The following NOP53 variants were observed in gnomAD, a reference collection of about 807,000 sequenced individuals.
NOP53 encodes the protein ribosome biogenesis protein NOP53.
A neutral mutation model predicts 61.0 loss-of-function variants in NOP53; 40 were observed. The observed-to-expected ratio is 0.66, with a 90% CI of 0.51 to 0.85. The LOEUF (loss-of-function observed/expected upper bound fraction) is 0.85, where lower values mean the gene tolerates loss of function less well. Ranked by LOEUF, NOP53 falls within the 40% of genes least tolerant of loss-of-function variation. The probability of loss-of-function intolerance (pLI) is 0.00; values close to 1 mark genes in which losing one functional copy is unlikely to be tolerated. For synonymous variants in NOP53, 308 were observed against 289.5 expected (o/e 1.06, Z -0.65); for missense variants, 689 against 652.9 (o/e 1.06, Z -0.60).
chr19:47,747,502 TGTG>T (rs1967078780), intron 2 of NOP53, among the ~76,000 whole-genome samples: 1 of 151,936 alleles, frequency 6.6e-6, no homozygotes, highest in Non-Finnish European at 1.5e-5. Context: ...ATTAGCCAGT[TGTG>T]GTGGCGGGCA....
At chr19:47,755,061 C>T (rs988509201) in intron 8 of NOP53, among the ~76,000 whole-genome samples, 170 bp downstream of exon 8, 4 of 152,124 alleles carry the variant, frequency 2.6e-5, no homozygotes, top group East Asian at 1.9e-4. Flanking sequence ...ATTTCCCAGC[C>T]TCTTCCAGGC....
rs115574335 is a variant in NOP53, at chr19:47,756,249, C to T, written c.1297-279C>T. On this transcript the variant is annotated intron_variant, in intron 10 of 12. Transcript: ENST00000246802. Reference sequence around the variant, plus strand: ...TGCTCATGAGCGGACTGTGCCTTCTCCCTCTGATCCAGCCTTTGCCCTCGC... The same window carrying T: ...TGCTCATGAGCGGACTGTGCCTTCTTCCTCTGATCCAGCCTTTGCCCTCGC... 4,049 of 556,788 alleles carry T rather than the reference C, an allele frequency of 7.3e-3. 125 individuals carry two copies. Among genetic ancestry groups the T allele is most frequent in the African/African-American group, 0.067 (3,583 of 53,328 alleles). 34.5% of individuals were successfully genotyped at this position (556,788 alleles called of 1,614,324 possible). A position where few individuals can be genotyped will look rare whatever the true frequency, so the allele number is the denominator to read the frequency against.
At chr19:47,750,085 A>G in intron 2 of NOP53, 93 bp from the exon 3 acceptor site, 1 of 749,582 alleles carries the variant, frequency 1.3e-6, no homozygotes, top group Non-Finnish European at 2.3e-6. Flanking sequence ...CTTGGGATTC[A>G]GGTCTGATGG....
At position 47,754,792 on chromosome 19, in the gene NOP53, G is replaced by A. The variant is rs1169783070; in HGVS notation, c.954G>A (p.Glu318=). 11 of 1,531,390 alleles carry A rather than the reference G, an allele frequency of 7.2e-6. No homozygotes were observed. The highest frequency in any genetic ancestry group is 9.6e-6 in the Non-Finnish European group (11 of 1,140,546). The allele number at this position is 1,531,390 out of a possible 1,614,324, so 94.9% of individuals were successfully genotyped here. A position where few individuals can be genotyped will look rare whatever the true frequency, so the allele number is the denominator to read the frequency against. ...EGEPGQGEGP[E]AGDAEVCPTP... is the part of the protein sequence containing the mutation. Reference sequence around the variant, plus strand: ...AGCCAGGCCAGGGCGAGGGGCCGGAGGCTGGGGATGCCGAGGTCTGTCCCA... The same window carrying A: ...AGCCAGGCCAGGGCGAGGGGCCGGAAGCTGGGGATGCCGAGGTCTGTCCCA... Residue 318 remains glutamate (E), a synonymous_variant, in exon 8 of 13, where the codon GAG becomes GAA. Transcript: ENST00000246802. The surrounding 1 kb of genome is among the most constrained non-coding windows in gnomAD (Gnocchi z 4.2).
chr19:47,747,777 CTCTTT>C (rs1476391010), intron 2 of NOP53, among the ~76,000 whole-genome samples: 2 of 120,518 alleles, frequency 1.7e-5, no homozygotes, highest in Non-Finnish European at 3.3e-5. Context: ...TTTTCTCTCT[CTCTTT>C]TTTTTTTTTT....
At chr19:47,749,768 A>T (rs1042604871) in intron 2 of NOP53, among the ~76,000 whole-genome samples, 1 of 151,018 alleles carries the variant, frequency 6.6e-6, no homozygotes, top group African/African-American at 2.4e-5. Flanking sequence ...TCCCCCTGAG[A>T]TGAGATCTCA....
intron 4 of NOP53, 65 bp from the exon 5 acceptor site, chr19:47,751,455 G>A (rs1454492217): frequency 8.0e-7 from 1 of 1,250,522 alleles, no homozygotes; most frequent in African/African-American, 1.5e-5. Flanking sequence ...AGGGATTGGG[G>A]GGGAGCCTTT....
intron 2 of NOP53, 33 bp downstream of exon 2, chr19:47,747,064 G>A (rs770327541): frequency 3.4e-5 from 51 of 1,497,314 alleles, no homozygotes; most frequent in South Asian, 1.2e-4. Context: ...TGGAATGGCG[G>A]TTATTCATTG....
At position 47,754,413 on chromosome 19, in the gene NOP53, C is replaced by G; in HGVS notation, c.766-114C>G. On this transcript the variant is annotated intron_variant, in intron 6 of 12. Coordinates refer to ENST00000246802, the MANE Select transcript of NOP53 (RefSeq NM_015710.5). The surrounding 1 kb of genome is among the most constrained non-coding windows in gnomAD (Gnocchi z 4.2). Reference sequence around the variant, plus strand: ...GTAGACGGGGTGTGGGGAGGAAAGCCTGGGCCGGGGCGGGATCCACGGGCA... The same window carrying G: ...GTAGACGGGGTGTGGGGAGGAAAGCGTGGGCCGGGGCGGGATCCACGGGCA... The G allele has an allele frequency of 1.2e-6, 1 of 822,776 alleles. No individual in the cohort carries two copies. The highest frequency in any genetic ancestry group is 2.0e-6 in the Non-Finnish European group (1 of 502,974). The allele number at this position is 822,776 out of a possible 1,614,324, so 51.0% of individuals were successfully genotyped here. A position where few individuals can be genotyped will look rare whatever the true frequency, so the allele number is the denominator to read the frequency against.
chr19:47,745,931 C>T (rs935525798), intron 1 of NOP53, 148 bp downstream of exon 1: 2 of 606,252 alleles, frequency 3.3e-6, no homozygotes, highest in Non-Finnish European at 2.8e-6. Context: ...AAATGGAGAG[C>T]ATGGGCAGGG....
intron 5 of NOP53, among the ~76,000 whole-genome samples, chr19:47,752,187 A>C (rs1967132498): frequency 6.6e-6 from 1 of 152,302 alleles, no homozygotes; most frequent in African/African-American, 2.4e-5. Context: ...GAGGTAGCAC[A>C]TGAGAAGGTG....
Position 47,754,552 on chromosome 19 carries a change from T to C in NOP53, c.791T>C (p.Val264Ala). ...ACCCTGCTCTCAGCGGCCCACGAGG[T>C]GGAGTTGCAGCGGCAGAAGGAGGCG... The part of the protein sequence containing the change: ...HQTLLSAAHE[V>A]ELQRQKEAEK... The change falls in exon 7 of 13, where the codon GTG becomes GCG. Residue 264 changes from valine to alanine, a missense_variant. Transcript: ENST00000246802. The surrounding 1 kb of genome is among the most constrained non-coding windows in gnomAD (Gnocchi z 4.2). The C allele has an allele frequency of 6.4e-7, 1 of 1,551,352 alleles. No homozygotes were observed. The highest frequency in any genetic ancestry group is 8.7e-7 in the Non-Finnish European group (1 of 1,148,330).
chr19:47,756,814 G>A, intron 12 of NOP53, 70 bp downstream of exon 12: 1 of 1,564,422 alleles, frequency 6.4e-7, no homozygotes, highest in Non-Finnish European at 8.8e-7. Context: ...CCGAGTCCCA[G>A]GGCCCCTTCC....
chr19:47,745,613 C>T lies in NOP53; in HGVS notation c.54C>T (p.Ala18=), dbSNP rs1222082660. The T allele has an allele frequency of 6.2e-7, 1 of 1,614,022 alleles. No homozygotes were observed. Among genetic ancestry groups the T allele is most frequent in the Non-Finnish European group, 8.5e-7 (1 of 1,179,998 alleles). ...VGGKRSSKSD[A]DSGFLGLRPT... The stretch of plus-strand genomic sequence containing the variant: ...GGAAGCGCAGCTCGAAAAGCGATGC[C>T]GATTCTGGTTTCCTGGGGCTGCGGC... The change falls in exon 1 of 13, where the codon GCC becomes GCT. Residue 18 remains alanine (A), a synonymous_variant. Transcript: ENST00000246802.
rs528918481 is a variant in NOP53 at position 47,757,046 on chromosome 19, C to T, written c.*41C>T. On this transcript the variant is annotated 3_prime_UTR_variant, in exon 13 of 13. Transcript: ENST00000246802. ...GGAGACTCGCCCTTCAATAAAAAAT[C>T]TCTTCTAGCTGATCAGTGGGCTCCA... is the stretch of plus-strand genomic sequence containing the variant. 1.8e-5 allele frequency: 29 copies of T among 1,585,978 alleles called. No individual in the cohort carries two copies. The East Asian group carries it at 5.3e-4, about 29-fold the overall frequency.
intron 10 of NOP53, chr19:47,756,104 A>G: frequency 1.9e-6 from 1 of 537,512 alleles, no homozygotes; most frequent in South Asian, 2.3e-5. Context: ...GAAGCTCAGA[A>G]CCAACCCTGT....
rs1187145503 is a variant in NOP53, at chr19:47,751,034, T to C, written c.525T>C (p.Pro175=). The change falls in exon 4 of 13, where the codon CCT becomes CCC. Residue 175 remains proline (P), a synonymous_variant. Transcript: ENST00000246802. ...GGGCCCAGGCCCGGCTCCTCAACCC[T>C]TCTGCAACAAGGGCCAAGCCCGGGC... ...VRRAQARLLN[P]SATRAKPGPQ... 6 of 1,606,096 alleles carry C rather than the reference T, an allele frequency of 3.7e-6. No individual in the cohort carries two copies. Among genetic ancestry groups the C allele is most frequent in the Non-Finnish European group, 5.1e-6 (6 of 1,177,252 alleles).
intron 6 of NOP53, chr19:47,752,906 GA>G: frequency 2.7e-6 from 1 of 376,868 alleles, no homozygotes; most frequent in Non-Finnish European, 5.0e-6. Context: ...GGGAGGAGGG[GA>G]GTGGGTTTTC....
intron 1 of NOP53, 42 bp from the exon 2 acceptor site, chr19:47,746,920 TTCCTC>T: frequency 6.6e-7 from 1 of 1,519,296 alleles, no homozygotes; most frequent in Non-Finnish European, 9.1e-7. Flanking sequence ...TTAAATCTCT[TTCCTC>T]TCCAACATCT....
Sources: allele counts gnomAD v4.1 joint callset (sites outside exome capture counted in the v4.1 genomes callset), GRCh38; gene constraint gnomAD v4.1.1; non-coding constraint Gnocchi (gnomAD v3.1); transcripts MANE v1.5; gene names NCBI Gene and HGNC (gene_info 2026-07-23, HGNC 2026-07-21).